The following ANXA2 variants were observed in gnomAD, a reference collection of about 807,000 sequenced individuals.
The protein encoded by ANXA2 is annexin A2, also known as annexin II.
Under a neutral mutation model 47.3 loss-of-function variants are expected in ANXA2, and 28 were observed. The ratio of observed to expected loss-of-function variants is 0.59; its 90% CI spans 0.44 to 0.81. The LOEUF (loss-of-function observed/expected upper bound fraction) is 0.81. Among genes scored for constraint, ANXA2 ranks in the 40% least tolerant of loss-of-function variants. ANXA2 has a pLI of 0.00. For synonymous variants in ANXA2, 172 were observed against 155.5 expected (o/e 1.11, Z -0.79); for missense variants, 384 against 414.3 (o/e 0.93, Z 0.64).
rs141615682 is a variant in ANXA2, at chr15:60,362,138, G to A, written c.244-1084C>T. On this transcript the variant is annotated intron_variant, in intron 4 of 12. Transcript: ENST00000451270. ...ATTTTCTCCTGCTTCCCAATGTCCC[G>A]GGAACACACGGCACTTAGGAGGGGA... Among the ~76,000 whole-genome samples, 4 of 152,162 alleles carry A rather than the reference G, an allele frequency of 2.6e-5. No homozygotes were observed. In the South Asian group the frequency reaches 6.2e-4, roughly 24 times the overall value.
intron 3 of ANXA2, among the ~76,000 whole-genome samples, chr15:60,365,670 T>G (rs2062584849): frequency 6.6e-6 from 1 of 152,240 alleles, no homozygotes; most frequent in African/African-American, 2.4e-5. Context: ...AAAGTTAGAA[T>G]TTCTGGGTAT....
chr15:60,394,061 T>A (rs927362060), intron 1 of ANXA2, among the ~76,000 whole-genome samples: 5 of 152,148 alleles, frequency 3.3e-5, no homozygotes, highest in African/African-American at 1.2e-4. Context: ...GCCCAGCAGG[T>A]CGCTTCAGGG....
In ANXA2 at chr15:60,358,869, G is replaced by A. The variant is rs547654412; in HGVS notation, c.358-1633C>T. 7.3e-4 allele frequency among the ~76,000 whole-genome samples: 111 copies of A among 152,330 alleles called. 1 individual carries two copies. Among genetic ancestry groups the A allele is most frequent in the East Asian group, 2.9e-3 (15 of 5,190 alleles). On this transcript the variant is annotated intron_variant, in intron 5 of 12. Transcript: ENST00000451270. ...AGAATTGCAAGACAGGCAGAATAAT[G>A]TAAGATGTGTTTCCTTCCATCACTG... is the stretch of plus-strand genomic sequence containing the variant.
In ANXA2 at chr15:60,351,248, T is replaced by A. The variant is rs1249847357; in HGVS notation, c.782A>T (p.Gln261Leu). The stretch of plus-strand genomic sequence containing the variant: ...ATACAGGGGCTTGTTCTGAATGCAC[T>A]GAACTGTGGAGAGAAGAAAGGGAGT... ...DLENAFLNLV[Q>L]CIQNKPLYFA... Residue 261 changes from glutamine to leucine, a missense_variant, in exon 11 of 13, where the codon CAG becomes CTG. Coordinates refer to ENST00000451270, the MANE Select transcript of ANXA2 (RefSeq NM_004039.3). 1 of 1,614,072 alleles carries A rather than the reference T, an allele frequency of 6.2e-7. No individual in the cohort carries two copies. The highest frequency in any genetic ancestry group is 1.3e-5 in the African/African-American group (1 of 74,946).
chr15:60,390,338 C>A (rs1279657195), intron 1 of ANXA2: 101 of 893,196 alleles, frequency 1.1e-4, no homozygotes, highest in Non-Finnish European at 2.5e-5. Context: ...AATATGGCCA[C>A]TTTCCTCCCA....
At chr15:60,367,586 C>G (rs1421835844) in intron 3 of ANXA2, among the ~76,000 whole-genome samples, 2 of 69,424 alleles carry the variant, frequency 2.9e-5, no homozygotes, top group African/African-American at 1.5e-4. Flanking sequence ...CCCCGCCCGG[C>G]CAGCCGCCCT....
chr15:60,393,540 G>A (rs958879452), intron 1 of ANXA2: 1 of 986,186 alleles, frequency 1.0e-6, no homozygotes, highest in Non-Finnish European at 1.2e-6. Flanking sequence ...ATGCATACAC[G>A]CATCCTGCAC....
chr15:60,374,376 C>G, intron 3 of ANXA2: 1 of 444,952 alleles, frequency 2.2e-6, no homozygotes, highest in Non-Finnish European at 4.5e-6. Flanking sequence ...TCTGCTACTC[C>G]GTCAGCCTCA....
intron 3 of ANXA2, among the ~76,000 whole-genome samples, chr15:60,368,977 T>G (rs1203339036): frequency 6.6e-6 from 1 of 152,086 alleles, no homozygotes; most frequent in Non-Finnish European, 1.5e-5. Flanking sequence ...AGGGGATAGC[T>G]ATTTCTCTTT....
intron 1 of ANXA2, among the ~76,000 whole-genome samples, chr15:60,388,679 T>A (rs1351180946): frequency 1.3e-5 from 2 of 149,584 alleles, no homozygotes; most frequent in African/African-American, 4.9e-5. Context: ...AAGCAATCCC[T>A]CCGCCTTAGC....
chr15:60,387,831 G>A (rs944382605), intron 1 of ANXA2, among the ~76,000 whole-genome samples: 1 of 152,210 alleles, frequency 6.6e-6, no homozygotes, highest in Non-Finnish European at 1.5e-5. Flanking sequence ...TGTGGGAACA[G>A]GGGAACATGG....
intron 1 of ANXA2, chr15:60,390,374 G>T: frequency 1.4e-6 from 1 of 737,880 alleles, no homozygotes; most frequent in Non-Finnish European, 2.0e-6. Context: ...GGAAAACATG[G>T]TGAACATTCC....
At chr15:60,364,704 CTCTT>C (rs1463921449) in intron 3 of ANXA2, among the ~76,000 whole-genome samples, 181 bp from the exon 4 acceptor site, 2 of 152,184 alleles carry the variant, frequency 1.3e-5, no homozygotes, top group African/African-American at 2.4e-5. Context: ...TGTGTACACT[CTCTT>C]TCCTTTTTTC....
chr15:60,357,396 A>C (rs2062448164), intron 5 of ANXA2, among the ~76,000 whole-genome samples, 160 bp from the exon 6 acceptor site: 1 of 152,208 alleles, frequency 6.6e-6, no homozygotes, highest in African/African-American at 2.4e-5. Flanking sequence ...CCCTTAGCAC[A>C]AAGTAATGGC....
intron 3 of ANXA2, among the ~76,000 whole-genome samples, chr15:60,376,751 C>T (rs1412947868): frequency 2.0e-5 from 3 of 152,168 alleles, no homozygotes; most frequent in East Asian, 1.9e-4. Context: ...CAAGCAGTGC[C>T]CCCAAACAGG....
At chr15:60,353,917 C>CA (rs2062385381) in intron 8 of ANXA2, among the ~76,000 whole-genome samples, 2 of 152,196 alleles carry the variant, frequency 1.3e-5, no homozygotes, top group African/African-American at 4.8e-5. Context: ...GTCAAGCCCT[C>CA]AGGTGACTGC....
intron 2 of ANXA2, chr15:60,384,105 G>A (rs2062901314): frequency 6.6e-6 from 1 of 152,230 alleles, no homozygotes; most frequent in African/African-American, 2.4e-5. Flanking sequence ...TGAACTTGAT[G>A]ACATGGAGCA....
intron 1 of ANXA2, chr15:60,397,157 C>T (rs528874755): frequency 6.1e-5 from 38 of 625,492 alleles, no homozygotes; most frequent in Non-Finnish European, 7.2e-5. Context: ...AGGGAGAGGC[C>T]CCGGGGCCAC....
chr15:60,391,525 C>A (rs1336632894), intron 1 of ANXA2, among the ~76,000 whole-genome samples: 1 of 152,086 alleles, frequency 6.6e-6, no homozygotes, highest in Non-Finnish European at 1.5e-5. Flanking sequence ...CTGAATGGTG[C>A]AAAGTTAAGC....
Sources: gnomAD v4.1 joint callset for allele counts (sites outside exome capture counted in the v4.1 genomes callset) on GRCh38, gnomAD v4.1.1 for gene constraint, MANE v1.5 for transcripts, NCBI Gene and HGNC (gene_info 2026-07-23, HGNC 2026-07-21) for gene names.